The following TMEM209 variants were observed in gnomAD, a reference collection of about 807,000 sequenced individuals.
TMEM209 encodes transmembrane protein 209.
In TMEM209, 65 loss-of-function variants were observed where a neutral mutation model predicts 76.2. The observed-to-expected ratio is 0.85, with a 90% CI of 0.70 to 1.05. The LOEUF (loss-of-function observed/expected upper bound fraction) is 1.05. TMEM209 is among the 50% of genes least tolerant of loss of function. The pLI is 0.00. For missense variants in TMEM209, 623 were observed against 685.5 expected, an observed-to-expected ratio of 0.91 and a Z score of 1.02; for synonymous variants, 239 against 237.6, an observed-to-expected ratio of 1.01 and a Z score of -0.06.
intron 14 of TMEM209, among the ~76,000 whole-genome samples, chr7:130,167,855 G>C (rs1310893305): frequency 1.3e-5 from 2 of 152,098 alleles, no homozygotes; most frequent in African/African-American, 4.8e-5. Context: ...TTATAGGAAA[G>C]TTTTTAACTA....
chr7:130,170,075 G>A lies in TMEM209; in HGVS notation c.1631+325C>T, dbSNP rs571085626. Among the ~76,000 whole-genome samples the A allele has an allele frequency of 3.3e-5, 5 of 152,148 alleles. No homozygotes were observed. In the South Asian group the frequency reaches 1.0e-3, roughly 32 times the overall value. Reference sequence around the variant, plus strand: ...AATGCTTTGTGTCTGAAATGAAATGGCTTGGAAAAAAACAGTCTCCAGATT... The same window carrying A: ...AATGCTTTGTGTCTGAAATGAAATGACTTGGAAAAAAACAGTCTCCAGATT... On this transcript the variant is annotated intron_variant, in intron 14 of 14. Coordinates refer to ENST00000397622, the MANE Select transcript of TMEM209 (RefSeq NM_032842.4).
At chr7:130,175,453 C>T in intron 11 of TMEM209, 59 bp downstream of exon 11, 2 of 1,489,068 alleles carry the variant, frequency 1.3e-6, no homozygotes, top group Non-Finnish European at 9.2e-7. Flanking sequence ...CAGAGTAAGA[C>T]CCTGTGTCAG....
At chr7:130,204,258 A>C (rs1798339658) in intron 1 of TMEM209, 148 bp from the exon 2 acceptor site, 4 of 975,958 alleles carry the variant, frequency 4.1e-6, no homozygotes, top group Non-Finnish European at 4.3e-6. Context: ...CTTCCATTTT[A>C]ATATCAGTAT....
At chr7:130,205,149 C>T (rs1477903332) in intron 1 of TMEM209, 1 of 1,458,894 alleles carries the variant, frequency 6.9e-7, no homozygotes, top group Non-Finnish European at 9.0e-7. Context: ...GCTTTCGCGC[C>T]ACTCAGCCCC....
At chr7:130,200,144 T>C (rs1416201543) in intron 5 of TMEM209, among the ~76,000 whole-genome samples, 2 of 151,460 alleles carry the variant, frequency 1.3e-5, no homozygotes, top group Non-Finnish European at 2.9e-5. Flanking sequence ...TTAAAGTTTC[T>C]CTCTCTCTAT....
intron 14 of TMEM209, among the ~76,000 whole-genome samples, chr7:130,168,682 A>C (rs1405892039): frequency 6.6e-6 from 1 of 152,212 alleles, no homozygotes; most frequent in Non-Finnish European, 1.5e-5. Context: ...AACAAAAATA[A>C]AGCCAGGTGG....
At chr7:130,175,678 G>A in intron 10 of TMEM209, 69 bp from the exon 11 acceptor site, 3 of 1,224,646 alleles carry the variant, frequency 2.4e-6, no homozygotes, top group Non-Finnish European at 3.4e-6. Flanking sequence ...AAAAGCTAAG[G>A]GAATATAATA....
chr7:130,192,965 C>T, intron 5 of TMEM209, 142 bp from the exon 6 acceptor site: 3 of 742,858 alleles, frequency 4.0e-6, no homozygotes, highest in Non-Finnish European at 4.4e-6. Flanking sequence ...GGTTGTGGAA[C>T]AACAGAATCT....
In TMEM209 at chr7:130,202,577, C is replaced by T; in HGVS notation, c.286G>A (p.Val96Ile). ...AGTGTTTGCTGTCCAGGACTAACAACCAGACTTGTTGGTGCCACAGTATAT... is the reference window on the plus strand; with the variant it reads ...AGTGTTTGCTGTCCAGGACTAACAATCAGACTTGTTGGTGCCACAGTATAT... ...FKYTVAPTSL[V>I]VSPGQQTLLG... The change falls in exon 4 of 15, where the codon GTT (valine) becomes ATT (isoleucine). Residue 96 changes from valine to isoleucine, a missense_variant. Val to Ile is a conservative substitution (Grantham distance 29, BLOSUM62 3). Coordinates refer to ENST00000397622, the MANE Select transcript of TMEM209 (RefSeq NM_032842.4). 1 of 1,613,692 alleles carries T rather than the reference C, an allele frequency of 6.2e-7. No individual in the cohort carries two copies. Among genetic ancestry groups the T allele is most frequent in the South Asian group, 1.1e-5 (1 of 91,022 alleles).
Position 130,192,822 on chromosome 7 carries a change from A to G in TMEM209, c.575T>C (p.Leu192Ser). 3.1e-6 allele frequency: 5 copies of G among 1,613,156 alleles called. No individual in the cohort carries two copies. Among genetic ancestry groups the G allele is most frequent in the Non-Finnish European group, 4.2e-6 (5 of 1,179,408 alleles). ...TYSPVSGYNK[L>S]ASFSPSPPSP... ...AGGAGGAGAGGGGCTAAAGCTCGCC[A>G]ACTATACAAAATAAAAGATCTTTAC... Residue 192 changes from leucine (L) to serine (S), a missense_variant and splice_region_variant, in exon 6 of 15, where the codon TTG becomes TCG. Transcript: ENST00000397622.
chr7:130,167,541 T>C (rs538780720), intron 14 of TMEM209, among the ~76,000 whole-genome samples: 74 of 152,286 alleles, frequency 4.9e-4, no homozygotes, highest in African/African-American at 1.7e-3. Flanking sequence ...ATATAACAAA[T>C]ATAAGCTTGG....
chr7:130,204,940 G>A, intron 1 of TMEM209: 1 of 1,072,068 alleles, frequency 9.3e-7, no homozygotes, highest in Non-Finnish European at 1.1e-6. Flanking sequence ...TAAAGGACAA[G>A]GATCCAAGTT....
chr7:130,199,286 C>T (rs970006854), intron 5 of TMEM209, among the ~76,000 whole-genome samples: 23 of 151,976 alleles, frequency 1.5e-4, no homozygotes, highest in African/African-American at 3.4e-4. Context: ...CGAGCCATCT[C>T]GGCTCACTGA....
At chr7:130,174,749 T>C (rs1310810974) in intron 11 of TMEM209, among the ~76,000 whole-genome samples, 2 of 152,158 alleles carry the variant, frequency 1.3e-5, no homozygotes, top group Non-Finnish European at 2.9e-5. Flanking sequence ...GCAATGCGCA[T>C]CACACTATTT....
intron 14 of TMEM209, among the ~76,000 whole-genome samples, chr7:130,169,118 T>C (rs1013952591): frequency 2.7e-5 from 4 of 150,088 alleles, no homozygotes; most frequent in African/African-American, 9.8e-5. Context: ...TTCCAGCTAC[T>C]TGGGAGGCAG....
intron 13 of TMEM209, among the ~76,000 whole-genome samples, chr7:130,173,284 A>G (rs146824895): frequency 1.3e-5 from 2 of 151,556 alleles, no homozygotes; most frequent in East Asian, 2.0e-4. Context: ...CAAGGCTACA[A>G]TGAGCTATGA....
In TMEM209 at chr7:130,170,459, C is replaced by T. The variant is rs747833628; in HGVS notation, c.1572G>A (p.Met524Ile). 6.2e-7 allele frequency: 1 copy of T among 1,611,896 alleles called. No individual in the cohort carries two copies. Among genetic ancestry groups the T allele is most frequent in the African/African-American group, 1.3e-5 (1 of 74,858 alleles). The change falls in exon 14 of 15, where the codon ATG (methionine) becomes ATA (isoleucine). Residue 524 changes from methionine to isoleucine, a missense_variant. Met to Ile is a conservative substitution (Grantham distance 10, BLOSUM62 1). Transcript: ENST00000397622. The part of the protein sequence containing the change: ...VYNLPKGRNN[M>I]FHTLLMFLYI... ...AGAGAAACATCAACAATGTATGAAACATATTATTTCTGCCCTGGAACAAAG... is the reference window on the plus strand; with the variant it reads ...AGAGAAACATCAACAATGTATGAAATATATTATTTCTGCCCTGGAACAAAG...
intron 5 of TMEM209, among the ~76,000 whole-genome samples, chr7:130,200,945 C>T (rs778043103): frequency 4.0e-5 from 6 of 151,698 alleles, no homozygotes; most frequent in Admixed American, 3.3e-4. Context: ...AAAAATTAGC[C>T]GGGCACGGTG....
chr7:130,171,492 G>GA (rs1011508152), intron 13 of TMEM209, among the ~76,000 whole-genome samples: 11 of 149,078 alleles, frequency 7.4e-5, no homozygotes, highest in Admixed American at 4.7e-4. Flanking sequence ...TAAGAACAAG[G>GA]AAAAAAAAAC....
Sources: allele counts gnomAD v4.1 joint callset (sites outside exome capture counted in the v4.1 genomes callset), GRCh38; gene constraint gnomAD v4.1.1; transcripts MANE v1.5; gene names NCBI Gene and HGNC (gene_info 2026-07-23, HGNC 2026-07-21).